The following SH2D4A variants were observed in gnomAD, a reference collection of about 807,000 sequenced individuals.
SH2D4A encodes SH2 domain containing 4A.
Under a neutral mutation model 64.7 loss-of-function variants are expected in SH2D4A, and 70 were observed. The observed-to-expected ratio is 1.08, with a 90% CI of 0.89 to 1.32. The LOEUF is 1.32. SH2D4A is among the 40% of genes most tolerant of loss of function. SH2D4A has a pLI of 0.00. For missense variants in SH2D4A, 706 were observed against 540.1 expected (o/e 1.31, Z -3.04); for synonymous variants, 268 against 200.7 (o/e 1.34, Z -2.83).
At chr8:19,341,141 A>C (rs2117229780) in intron 4 of SH2D4A, among the ~76,000 whole-genome samples, 1 of 152,328 alleles carries the variant, frequency 6.6e-6, no homozygotes, top group Admixed American at 6.5e-5. Flanking sequence ...AGAATTCATC[A>C]CTGCCCCCAG....
At position 19,394,711 on chromosome 8, in the gene SH2D4A, T is replaced by A. The variant is rs556925029; in HGVS notation, c.*69T>A. The A allele has an allele frequency of 7.8e-7, 1 of 1,279,316 alleles. No homozygotes were observed. Among genetic ancestry groups the A allele is most frequent in the African/African-American group, 1.5e-5 (1 of 67,596 alleles). 79.2% of individuals were successfully genotyped at this position (1,279,316 alleles called of 1,614,324 possible). ...CCCTGGACAAATGCCACTGCAACAT[T>A]TATGTGTGAAGCCAAAATCACCCTG... On this transcript the variant is annotated 3_prime_UTR_variant, in exon 10 of 10. Coordinates refer to ENST00000265807, the MANE Select transcript of SH2D4A (RefSeq NM_022071.4).
At chr8:19,363,278 T>C (rs1047915734) in intron 6 of SH2D4A, among the ~76,000 whole-genome samples, 5 of 152,056 alleles carry the variant, frequency 3.3e-5, no homozygotes, top group African/African-American at 1.2e-4. Flanking sequence ...GGTTTCACCA[T>C]GTTGGCCAGG....
At chr8:19,379,414 T>A (rs1226326630) in intron 8 of SH2D4A, among the ~76,000 whole-genome samples, 1 of 152,232 alleles carries the variant, frequency 6.6e-6, no homozygotes, top group Non-Finnish European at 1.5e-5. Context: ...TTACCCATTA[T>A]CTGTTGATGC....
At chr8:19,314,244 G>C (rs991383069) in intron 1 of SH2D4A, among the ~76,000 whole-genome samples, 1 of 152,178 alleles carries the variant, frequency 6.6e-6, no homozygotes, top group Non-Finnish European at 1.5e-5. Flanking sequence ...GGAGGGTCCG[G>C]GCTGGCCTAG....
intron 3 of SH2D4A, among the ~76,000 whole-genome samples, chr8:19,334,070 T>A (rs1015122898): frequency 2.0e-5 from 3 of 152,142 alleles, no homozygotes; most frequent in Admixed American, 6.5e-5. Context: ...AGGCAGGTGA[T>A]GGCGCTCCTC....
intron 2 of SH2D4A, 36 bp downstream of exon 2, chr8:19,319,764 G>A: frequency 1.3e-6 from 2 of 1,515,414 alleles, no homozygotes; most frequent in Non-Finnish European, 1.8e-6. Flanking sequence ...GGATGTGTTG[G>A]TAGAACAGCT....
intron 5 of SH2D4A, among the ~76,000 whole-genome samples, chr8:19,359,286 A>C (rs1470895651): frequency 1.3e-5 from 2 of 152,148 alleles, no homozygotes; most frequent in East Asian, 3.9e-4. Flanking sequence ...AAAGGAGTAG[A>C]TTTATTAAAT....
chr8:19,363,986 T>TG, intron 6 of SH2D4A, 86 bp from the exon 7 acceptor site: 1 of 1,278,616 alleles, frequency 7.8e-7, no homozygotes, highest in Non-Finnish European at 1.1e-6. Flanking sequence ...GAACCTGCGC[T>TG]GCTGCCCGTT....
At chr8:19,315,748 C>G (rs1212345285) in intron 1 of SH2D4A, among the ~76,000 whole-genome samples, 1 of 152,198 alleles carries the variant, frequency 6.6e-6, no homozygotes, top group Non-Finnish European at 1.5e-5. Context: ...GGAAAGTCCT[C>G]TGAGTTTGAA....
At chr8:19,376,706 C>G (rs1308876625) in intron 8 of SH2D4A, among the ~76,000 whole-genome samples, 1 of 152,118 alleles carries the variant, frequency 6.6e-6, no homozygotes, top group East Asian at 1.9e-4. Flanking sequence ...GACCAAATAT[C>G]TGGGACCATG....
intron 8 of SH2D4A, among the ~76,000 whole-genome samples, chr8:19,380,939 A>C (rs2053282746): frequency 6.6e-6 from 1 of 152,066 alleles, no homozygotes; most frequent in African/African-American, 2.4e-5. Flanking sequence ...ATTGCATTGA[A>C]TCTGTATATC....
chr8:19,361,115 G>C (rs2052877182), intron 5 of SH2D4A, 88 bp from the exon 6 acceptor site: 2 of 448,274 alleles, frequency 4.5e-6, no homozygotes, highest in Non-Finnish European at 6.7e-6. Context: ...CGGGTACCCC[G>C]TCCTTCAGGA....
intron 8 of SH2D4A, among the ~76,000 whole-genome samples, chr8:19,387,953 AAGGAGCTTCTCAGTC>A (rs1204015203): frequency 6.6e-6 from 1 of 152,238 alleles, no homozygotes. Flanking sequence ...TTGACTCATT[AAGGAGCTTCTCAGTC>A]CTCAGCAGCA....
chr8:19,322,995 G>A (rs775255275), intron 2 of SH2D4A, among the ~76,000 whole-genome samples: 295 of 152,086 alleles, frequency 1.9e-3, no homozygotes, highest in Non-Finnish European at 3.0e-3. Context: ...TTAGTAATCT[G>A]AAGGCTGAAG....
intron 4 of SH2D4A, among the ~76,000 whole-genome samples, chr8:19,335,442 TCTC>T (rs2052431919): frequency 6.6e-6 from 1 of 152,208 alleles, no homozygotes; most frequent in Non-Finnish European, 1.5e-5. Flanking sequence ...ATTTTCAGGT[TCTC>T]CTCAATGCTG....
At chr8:19,328,582 C>G (rs78931888) in intron 2 of SH2D4A, among the ~76,000 whole-genome samples, 5,745 of 152,160 alleles carry the variant, frequency 0.038, 177 homozygotes, top group South Asian at 0.11. Flanking sequence ...GACCCCTAGT[C>G]TCTCCCCATT....
chr8:19,385,261 G>A (rs1184524833), intron 8 of SH2D4A, among the ~76,000 whole-genome samples: 2 of 150,678 alleles, frequency 1.3e-5, no homozygotes, highest in Non-Finnish European at 2.9e-5. Flanking sequence ...CCAGGCTAGA[G>A]TGCAGTGATG....
intron 4 of SH2D4A, among the ~76,000 whole-genome samples, chr8:19,353,544 T>G (rs962754991): frequency 1.3e-5 from 2 of 151,934 alleles, no homozygotes; most frequent in Non-Finnish European, 1.5e-5. Context: ...AATTTTTGTA[T>G]TTTTAGTAGA....
chr8:19,374,200 T>C (rs1008585617), intron 8 of SH2D4A, among the ~76,000 whole-genome samples: 26 of 152,310 alleles, frequency 1.7e-4, no homozygotes, highest in Non-Finnish European at 2.6e-4. Flanking sequence ...TGTAGTTGAG[T>C]GTGTAACATA....
Sources: gnomAD v4.1 joint callset for allele counts (sites outside exome capture counted in the v4.1 genomes callset) on GRCh38, gnomAD v4.1.1 for gene constraint, MANE v1.5 for transcripts, NCBI Gene and HGNC (gene_info 2026-07-23, HGNC 2026-07-21) for gene names.